The following ACER2 variants were observed in gnomAD, a reference collection of about 807,000 sequenced individuals.
ACER2 encodes alkaline ceramidase 2, also known as alkCDase 2.
A neutral mutation model predicts 34.7 loss-of-function variants in ACER2; 26 were observed. The observed-to-expected ratio is 0.75, with a 90% CI of 0.55 to 1.04. The LOEUF (loss-of-function observed/expected upper bound fraction) is 1.04. Ranked by LOEUF, ACER2 falls within the 50% of genes least tolerant of loss-of-function variation. The pLI is 0.00. For synonymous variants in ACER2, 138 were observed against 132.1 expected, an observed-to-expected ratio of 1.04 and a Z score of -0.31; for missense variants, 352 against 340.8, an observed-to-expected ratio of 1.03 and a Z score of -0.26.
At chr9:19,414,352 C>G (rs1830174900) in intron 1 of ACER2, among the ~76,000 whole-genome samples, 1 of 152,190 alleles carries the variant, frequency 6.6e-6, no homozygotes. Flanking sequence ...GTTGTTTTGT[C>G]TTTATTTACC....
chr9:19,428,079 T>TTTCCTTTCCTTC (rs1830635351), intron 3 of ACER2, among the ~76,000 whole-genome samples: 1 of 139,818 alleles, frequency 7.2e-6, no homozygotes, highest in Admixed American at 7.6e-5. Context: ...TTTCCTTTCC[T>TTTCCTTTCCTTC]TCTCTCTCTC....
In ACER2 at chr9:19,428,036, T is replaced by C. The variant is rs538115794; in HGVS notation, c.365+3195T>C. On this transcript the variant is annotated intron_variant, in intron 3 of 5. Coordinates refer to ENST00000340967, the MANE Select transcript of ACER2 (RefSeq NM_001010887.3). ...TCCTTTCCTTTCCTTTCCTTTCCTT[T>C]CCTTTCCTTTCCTTTCCTTTCCTTT... Among the ~76,000 whole-genome samples, 256 of 131,590 alleles carry C rather than the reference T, an allele frequency of 1.9e-3. 1 individual carries two copies. The highest frequency in any genetic ancestry group is 0.011 in the Middle Eastern group (3 of 266). The allele number at this position is 131,590 out of a possible 152,430, so 86.3% of individuals were successfully genotyped here.
chr9:19,449,609 C>T (rs539500349), intron 5 of ACER2, among the ~76,000 whole-genome samples: 2 of 152,196 alleles, frequency 1.3e-5, no homozygotes, highest in South Asian at 2.1e-4. Flanking sequence ...TTGGGCTGGG[C>T]GCAGTGGCTT....
chr9:19,435,800 A>T (rs1440290942), intron 4 of ACER2, among the ~76,000 whole-genome samples: 1 of 151,832 alleles, frequency 6.6e-6, no homozygotes, highest in South Asian at 2.1e-4. Context: ...CTGTAATCCC[A>T]GTACTTTGGG....
chr9:19,409,016 T>A lies in ACER2; in HGVS notation c.-69T>A. 2 of 1,364,960 alleles carry A rather than the reference T, an allele frequency of 1.5e-6. No individual in the cohort carries two copies. The highest frequency in any genetic ancestry group is 1.9e-6 in the Non-Finnish European group (2 of 1,029,128). 84.6% of individuals were successfully genotyped at this position (1,364,960 alleles called of 1,614,324 possible). On this transcript the variant is annotated 5_prime_UTR_variant, in exon 1 of 6. Transcript: ENST00000340967. ...CTTTCGCCGCTGGCTGTCGCCGCGTTTTGCCTCCGCAGCAGCTCTGGGCTC... is the reference window on the plus strand; with the variant it reads ...CTTTCGCCGCTGGCTGTCGCCGCGTATTGCCTCCGCAGCAGCTCTGGGCTC...
In ACER2 at chr9:19,423,902, T is replaced by C; in HGVS notation, c.149T>C (p.Met50Thr). 1 of 1,614,174 alleles carries C rather than the reference T, an allele frequency of 6.2e-7. No individual in the cohort carries two copies. Among genetic ancestry groups the C allele is most frequent in the South Asian group, 1.1e-5 (1 of 91,084 alleles). ...VLFFILPPICMCLFRQYATCF... is the reference protein window; with the variant it reads ...VLFFILPPICTCLFRQYATCF... ...TTTTTCATTTTACCGCCCATCTGCA[T>C]GTGCTTGTTTCGTCAGTATGCAACA... The change falls in exon 2 of 6, where the codon ATG becomes ACG. Residue 50 changes from methionine (M) to threonine (T), a missense_variant. Transcript: ENST00000340967.
intron 3 of ACER2, among the ~76,000 whole-genome samples, chr9:19,429,385 G>A (rs1188949133): frequency 6.6e-6 from 1 of 152,090 alleles, no homozygotes; most frequent in Admixed American, 6.6e-5. Flanking sequence ...AGGCTGGAGT[G>A]CAGTGGCACA....
intron 1 of ACER2, among the ~76,000 whole-genome samples, chr9:19,417,766 C>T (rs1281222915): frequency 6.6e-6 from 1 of 152,086 alleles, no homozygotes; most frequent in Non-Finnish European, 1.5e-5. Context: ...TAGAAGGAAA[C>T]CTAGGCTATA....
Position 19,441,895 on chromosome 9 carries a change from A to T in ACER2, c.504-4386A>T, listed in dbSNP as rs116420490. Among the ~76,000 whole-genome samples, 392 of 152,288 alleles carry T rather than the reference A, an allele frequency of 2.6e-3. 1 individual carries two copies. Among genetic ancestry groups the T allele is most frequent in the African/African-American group, 9.2e-3 (381 of 41,548 alleles). On this transcript the variant is annotated intron_variant, in intron 4 of 5. Coordinates refer to ENST00000340967, the MANE Select transcript of ACER2 (RefSeq NM_001010887.3). ...GAATCTTCCCTGGTTGTCACCTGCA[A>T]TGATGTTATGTCTGAGTTGAATGTT...
intron 1 of ACER2, chr9:19,409,869 T>TA: frequency 1.0e-6 from 1 of 985,384 alleles, no homozygotes; most frequent in Non-Finnish European, 1.2e-6. Context: ...TTGGGAGTGA[T>TA]AATGTGCGGG....
chr9:19,409,215 A>T, intron 1 of ACER2, 23 bp downstream of exon 1: 1 of 1,561,692 alleles, frequency 6.4e-7, no homozygotes, highest in Non-Finnish European at 8.7e-7. Flanking sequence ...GGAGCGGGGA[A>T]GGCAGGCGGG....
chr9:19,419,449 G>C (rs1830335776), intron 1 of ACER2, among the ~76,000 whole-genome samples: 1 of 152,164 alleles, frequency 6.6e-6, no homozygotes, highest in Non-Finnish European at 1.5e-5. Flanking sequence ...ATGTGGGAAG[G>C]AGAGAAAGAT....
chr9:19,411,464 G>GACCTCC (rs1563869708), intron 1 of ACER2, among the ~76,000 whole-genome samples: 2 of 152,052 alleles, frequency 1.3e-5, no homozygotes, highest in Admixed American at 1.3e-4. Flanking sequence ...GGCTCACTGC[G>GACCTCC]ACCTCCACCT....
In ACER2 at chr9:19,435,057, C is replaced by G. The variant is rs1830915142; in HGVS notation, c.476C>G (p.Thr159Ser). 6.2e-7 allele frequency: 1 copy of G among 1,614,192 alleles called. No individual in the cohort carries two copies. The highest frequency in any genetic ancestry group is 8.5e-7 in the Non-Finnish European group (1 of 1,180,034). ...ISLMTLGVPC[T>S]ALLIAELKRC... ...CTGATGACCCTGGGAGTTCCTTGCA[C>G]TGCACTGCTCATCGCAGAGCTAAAG... is the stretch of plus-strand genomic sequence containing the variant. Residue 159 changes from threonine (T) to serine (S), a missense_variant, in exon 4 of 6, where the codon ACT (threonine) becomes AGT (serine). Transcript: ENST00000340967.
At chr9:19,415,975 CAT>C in intron 1 of ACER2, among the ~76,000 whole-genome samples, 1 of 151,394 alleles carries the variant, frequency 6.6e-6, no homozygotes, top group East Asian at 1.9e-4. Context: ...CAATATGTGA[CAT>C]ATACGTACCT....
intron 1 of ACER2, 50 bp downstream of exon 1, chr9:19,409,242 G>T: frequency 6.6e-7 from 1 of 1,518,388 alleles, no homozygotes; most frequent in Non-Finnish European, 8.9e-7. Flanking sequence ...GGAGGGGGCT[G>T]TTCCCGCGCC....
At chr9:19,447,306 C>T (rs566029497) in intron 5 of ACER2, among the ~76,000 whole-genome samples, 1 of 152,270 alleles carries the variant, frequency 6.6e-6, no homozygotes. Flanking sequence ...GACTTCTATC[C>T]AGAGATAGGC....
chr9:19,449,620 A>C (rs1003283799), intron 5 of ACER2, among the ~76,000 whole-genome samples: 8 of 152,302 alleles, frequency 5.3e-5, no homozygotes, highest in East Asian at 1.9e-4. Flanking sequence ...GCAGTGGCTT[A>C]CGACTGTAAT....
intron 4 of ACER2, among the ~76,000 whole-genome samples, chr9:19,443,629 TC>T (rs972321499): frequency 3.9e-5 from 6 of 152,180 alleles, no homozygotes; most frequent in Admixed American, 3.3e-4. Context: ...CAGGGGTAGT[TC>T]CTCTGGGATT....
Sources: gnomAD v4.1 joint callset for allele counts (sites outside exome capture counted in the v4.1 genomes callset) on GRCh38, gnomAD v4.1.1 for gene constraint, MANE v1.5 for transcripts, NCBI Gene and HGNC (gene_info 2026-07-23, HGNC 2026-07-21) for gene names.